The following MAP3K15 variants were observed in gnomAD, a reference collection of about 807,000 sequenced individuals.
The protein encoded by MAP3K15 is MAPK/ERK kinase kinase 15.
In MAP3K15, 124 loss-of-function variants were observed where a neutral mutation model predicts 99.5. The ratio of observed to expected loss-of-function variants is 1.25; its 90% confidence interval spans 1.08 to 1.45. The LOEUF is 1.45. Ranked by LOEUF, MAP3K15 falls within the 40% of genes most tolerant of loss-of-function variation. The pLI is 0.00. For missense variants in MAP3K15, 1,242 were observed against 1,079.7 expected, an observed-to-expected ratio of 1.15 and a Z score of -2.11; for synonymous variants, 494 against 439.6, an observed-to-expected ratio of 1.12 and a Z score of -1.55.
intron 9 of MAP3K15, among the ~76,000 whole-genome samples, chrX:19,420,618 G>A (rs1053538336): frequency 9.0e-6 from 1 of 111,638 alleles, no homozygotes; most frequent in Non-Finnish European, 1.9e-5. Flanking sequence ...TGAGGAGCTG[G>A]TACCATTCCT....
chrX:19,423,600 T>C (rs35961615), intron 9 of MAP3K15, among the ~76,000 whole-genome samples: 303 of 111,956 alleles, frequency 2.7e-3, no homozygotes, highest in Non-Finnish European at 4.6e-3. Context: ...CCTGGGAAGA[T>C]AGGCCAGCTA....
At chrX:19,370,781 G>A (rs1040613079) in intron 24 of MAP3K15, among the ~76,000 whole-genome samples, 178 bp downstream of exon 24, 7 of 111,893 alleles carry the variant, frequency 6.3e-5, no homozygotes, top group African/African-American at 2.3e-4. Context: ...ACAGCACCAC[G>A]AGATGCTCTC....
At chrX:19,364,510 G>A (rs868601738) in intron 25 of MAP3K15, among the ~76,000 whole-genome samples, 19 of 111,463 alleles carry the variant, frequency 1.7e-4, no homozygotes, top group African/African-American at 6.2e-4. Flanking sequence ...TCCCCAAAGC[G>A]GGGCACAGAA....
intron 11 of MAP3K15, among the ~76,000 whole-genome samples, chrX:19,411,932 C>T (rs888846223): frequency 1.6e-4 from 18 of 112,082 alleles, no homozygotes; most frequent in Non-Finnish European, 3.4e-4. Context: ...CCACTGGAGG[C>T]TTCTCATAAG....
intron 1 of MAP3K15, chrX:19,497,769 A>G (rs1447279697): frequency 9.0e-6 from 1 of 111,418 alleles, no homozygotes; most frequent in Non-Finnish European, 1.9e-5. Flanking sequence ...ATTAGTAAGC[A>G]TTGTCGATAA....
chrX:19,428,976 GA>G (rs202129024), intron 7 of MAP3K15, among the ~76,000 whole-genome samples: 2 of 106,542 alleles, frequency 1.9e-5, no homozygotes, highest in African/African-American at 6.8e-5. Flanking sequence ...CTCAAAAAAA[GA>G]AAAAAAAAGG....
intron 16 of MAP3K15, among the ~76,000 whole-genome samples, chrX:19,392,875 C>T (rs1467234246): frequency 9.1e-6 from 1 of 110,369 alleles, no homozygotes; most frequent in Non-Finnish European, 1.9e-5. Flanking sequence ...AGTCATTCTG[C>T]TTGGGTTAAA....
chrX:19,445,839 C>T (rs142086352), intron 6 of MAP3K15, among the ~76,000 whole-genome samples: 4,772 of 108,267 alleles, frequency 0.044, 247 homozygotes, highest in African/African-American at 0.15. Flanking sequence ...CCCAGCTACT[C>T]GGGAGGCTGA....
intron 3 of MAP3K15, among the ~76,000 whole-genome samples, chrX:19,480,263 T>C (rs955014615): frequency 5.4e-5 from 6 of 111,510 alleles, no homozygotes; most frequent in African/African-American, 9.8e-5. Context: ...GCTTTTTTTT[T>C]CTCCAGAAAT....
At chrX:19,414,124 G>A (rs1317899291) in intron 10 of MAP3K15, 1 of 99,953 alleles carries the variant, frequency 1.0e-5, no homozygotes, top group African/African-American at 3.8e-5. Context: ...TTGCACCACT[G>A]CACGAGACTC....
chrX:19,428,841 T>A (rs973066132), intron 7 of MAP3K15, among the ~76,000 whole-genome samples: 2 of 111,168 alleles, frequency 1.8e-5, no homozygotes, highest in Admixed American at 1.9e-4. Flanking sequence ...TGGTGGCATG[T>A]GCCTGTAATC....
rs16981171 is a variant in MAP3K15 at position 19,457,040 on chromosome X, A to G, written c.889-21T>C. On this transcript the variant is annotated intron_variant, in intron 5 of 28. Transcript: ENST00000338883. ...TAGTCCTGTTGGCAAGAGGTCCCAA[A>G]GTGAGCAAGAGAGGAAACACAGCTC... 2.6e-3 allele frequency: 2,827 copies of G among 1,070,169 alleles called. 47 individuals are homozygous for G. In the African/African-American group the frequency reaches 0.047, roughly 18 times the overall value. 88.2% of individuals were successfully genotyped at this position (1,070,169 alleles called of 1,213,427 possible).
At chrX:19,461,106 A>T (rs976687637) in intron 4 of MAP3K15, among the ~76,000 whole-genome samples, 26 of 111,890 alleles carry the variant, frequency 2.3e-4, no homozygotes, top group Non-Finnish European at 4.5e-4. Context: ...CAGCCTCCTG[A>T]GTAGCTGGGA....
chrX:19,476,911 C>G (rs2064246780), intron 3 of MAP3K15, among the ~76,000 whole-genome samples: 2 of 111,411 alleles, frequency 1.8e-5, no homozygotes, highest in Admixed American at 1.9e-4. Flanking sequence ...AGGAAGAAAC[C>G]AAGACCCAGC....
intron 3 of MAP3K15, among the ~76,000 whole-genome samples, chrX:19,467,489 C>T (rs1409851869): frequency 1.8e-5 from 2 of 111,301 alleles, no homozygotes; most frequent in Non-Finnish European, 3.8e-5. Flanking sequence ...GGCTAAGAGA[C>T]TGGGCGCAGT....
At position 19,464,212 on chromosome X, in the gene MAP3K15, C is replaced by T; in HGVS notation, c.719+1G>A. ...GGTTACTGGTGGCAGATGGGAATTACCATGAGGTCACGTGGATGTCCTTAA... is the reference window on the plus strand; with the variant it reads ...GGTTACTGGTGGCAGATGGGAATTATCATGAGGTCACGTGGATGTCCTTAA... On this transcript the variant is annotated splice_donor_variant, in intron 4 of 28. Coordinates refer to ENST00000338883, the MANE Select transcript of MAP3K15 (RefSeq NM_001001671.4). LOFTEE classifies it high-confidence loss of function. 8.4e-7 allele frequency: 1 copy of T among 1,191,056 alleles called. No individual in the cohort carries two copies. The highest frequency in any genetic ancestry group is 1.1e-6 in the Non-Finnish European group (1 of 888,672).
intron 2 of MAP3K15, among the ~76,000 whole-genome samples, chrX:19,486,874 T>C (rs2064329973): frequency 1.8e-5 from 2 of 110,831 alleles, no homozygotes; most frequent in South Asian, 3.9e-4. Context: ...GAAAAGAATG[T>C]CGGCGATAGC....
At chrX:19,472,758 T>A (rs1477024985) in intron 3 of MAP3K15, among the ~76,000 whole-genome samples, 1 of 112,202 alleles carries the variant, frequency 8.9e-6, no homozygotes, top group East Asian at 2.8e-4. Flanking sequence ...TCTAACCTAT[T>A]TGTAAAGAAT....
At chrX:19,382,482 G>A (rs1248591844) in intron 18 of MAP3K15, among the ~76,000 whole-genome samples, 2 of 111,847 alleles carry the variant, frequency 1.8e-5, no homozygotes, top group Admixed American at 9.5e-5. Flanking sequence ...CCCTTGAAAT[G>A]TAGCTAGTGA....
Sources: allele counts gnomAD v4.1 joint callset (sites outside exome capture counted in the v4.1 genomes callset), GRCh38; gene constraint gnomAD v4.1.1; transcripts MANE v1.5; gene names NCBI Gene and HGNC (gene_info 2026-07-23, HGNC 2026-07-21).